The following NCOA1 variants were observed in gnomAD, a reference collection of about 807,000 sequenced individuals.
The protein encoded by NCOA1 is nuclear receptor coactivator 1.
Under a neutral mutation model 150.9 loss-of-function variants are expected in NCOA1, and 35 were observed. The observed-to-expected ratio is 0.23, with a 90% CI of 0.18 to 0.31. NCOA1 has a LOEUF of 0.31. NCOA1 is among the 10% of genes least tolerant of loss of function. NCOA1 has a pLI of 1.00. For missense variants in NCOA1, 1,491 were observed against 1,749.3 expected (o/e 0.85, Z 2.63); for synonymous variants, 590 against 630.0 (o/e 0.94, Z 0.95).
At chr2:24,554,963 G>T (rs530952270) in intron 1 of NCOA1, among the ~76,000 whole-genome samples, 5 of 152,210 alleles carry the variant, frequency 3.3e-5, no homozygotes, top group South Asian at 2.1e-4. Context: ...CGTCTACGTT[G>T]TCTGGGGTAA....
intron 7 of NCOA1, among the ~76,000 whole-genome samples, chr2:24,675,408 G>A (rs1478870802): frequency 6.6e-6 from 1 of 152,192 alleles, no homozygotes; most frequent in East Asian, 1.9e-4. Context: ...GTGCCCTGCT[G>A]CTAGAATGAG....
chr2:24,666,328 T>TA (rs1327057358), intron 6 of NCOA1, among the ~76,000 whole-genome samples: 1 of 152,126 alleles, frequency 6.6e-6, no homozygotes, highest in African/African-American at 2.4e-5. Context: ...TTTTTATTAT[T>TA]AAAAAATTAT....
intron 6 of NCOA1, among the ~76,000 whole-genome samples, chr2:24,667,019 G>A (rs1572564734): frequency 6.6e-6 from 1 of 152,094 alleles, no homozygotes; most frequent in South Asian, 2.1e-4. Context: ...ATTTTACACT[G>A]CAAAGTTATT....
intron 5 of NCOA1, among the ~76,000 whole-genome samples, chr2:24,659,825 G>A (rs1371804356): frequency 1.3e-5 from 2 of 152,096 alleles, no homozygotes; most frequent in Non-Finnish European, 2.9e-5. Context: ...AATGTCAGTA[G>A]CATCTTAGTT....
chr2:24,753,476 A>G (rs1334672863), intron 20 of NCOA1, among the ~76,000 whole-genome samples: 1 of 151,688 alleles, frequency 6.6e-6, no homozygotes, highest in Admixed American at 6.6e-5. Flanking sequence ...CCCTACTCCT[A>G]CTCCTTGTTG....
chr2:24,716,750 CA>C (rs1269771157), intron 14 of NCOA1, among the ~76,000 whole-genome samples: 4 of 152,158 alleles, frequency 2.6e-5, no homozygotes, highest in African/African-American at 9.7e-5. Flanking sequence ...GAAAATGAAT[CA>C]ATAATCAATA....
chr2:24,599,389 A>G (rs193230801), intron 3 of NCOA1, among the ~76,000 whole-genome samples: 3 of 152,318 alleles, frequency 2.0e-5, no homozygotes, highest in Admixed American at 1.3e-4. Flanking sequence ...ATATTTGAAG[A>G]TATCAGATAT....
At chr2:24,608,704 G>GTTTTTTTTTTTTTTTTTTTTTTT (rs56710627) in intron 3 of NCOA1, among the ~76,000 whole-genome samples, 5 of 117,330 alleles carry the variant, frequency 4.3e-5, no homozygotes, top group African/African-American at 9.9e-5. Context: ...TTGTTGTTGT[G>GTTTTTTTTTTTTTTTTTTTTTTT]TTTTTTTTTT....
intron 3 of NCOA1, among the ~76,000 whole-genome samples, chr2:24,615,477 C>T (rs6729469): frequency 6.6e-6 from 1 of 152,114 alleles, no homozygotes; most frequent in African/African-American, 2.4e-5. Flanking sequence ...CTTAAGGAAT[C>T]CTCTAAGAAG....
chr2:24,583,207 A>G (rs1191975474), intron 2 of NCOA1, among the ~76,000 whole-genome samples: 1 of 152,166 alleles, frequency 6.6e-6, no homozygotes, highest in African/African-American at 2.4e-5. Context: ...GAAACTCAAC[A>G]GCAAAAAGCC....
intron 2 of NCOA1, among the ~76,000 whole-genome samples, chr2:24,572,381 G>A (rs1666775384): frequency 6.6e-6 from 1 of 152,176 alleles, no homozygotes; most frequent in Non-Finnish European, 1.5e-5. Context: ...TGGGGGTGAA[G>A]TGGGAACAAT....
chr2:24,655,735 G>T (rs1670909933), intron 4 of NCOA1, among the ~76,000 whole-genome samples: 1 of 152,164 alleles, frequency 6.6e-6, no homozygotes, highest in Admixed American at 6.5e-5. Context: ...AGTTAAATGA[G>T]AACCTGAATT....
intron 22 of NCOA1, among the ~76,000 whole-genome samples, chr2:24,763,841 C>G (rs1003798504): frequency 6.6e-6 from 1 of 151,782 alleles, no homozygotes; most frequent in African/African-American, 2.4e-5. Context: ...AGGCCGGTCT[C>G]GAACTCCTGA....
At position 24,719,419 on chromosome 2, in the gene NCOA1, C is replaced by G. The variant is rs372711240; in HGVS notation, c.2600-7170C>G. ...GTTGAACTGTACAAAATTTGTTGAACTTAAAATGGGTGCATTTTATTGTAT... is the reference window on the plus strand; with the variant it reads ...GTTGAACTGTACAAAATTTGTTGAAGTTAAAATGGGTGCATTTTATTGTAT... On this transcript the variant is annotated intron_variant, in intron 14 of 22. Coordinates refer to ENST00000348332, the MANE Select transcript of NCOA1 (RefSeq NM_003743.5). Among the ~76,000 whole-genome samples, 9 of 151,832 alleles carry G rather than the reference C, an allele frequency of 5.9e-5. No individual in the cohort carries two copies. The East Asian group carries it at 1.7e-3, about 29-fold the overall frequency.
At chr2:24,752,551 A>G (rs1302590687) in intron 20 of NCOA1, among the ~76,000 whole-genome samples, 1 of 152,218 alleles carries the variant, frequency 6.6e-6, no homozygotes, top group East Asian at 1.9e-4. Context: ...TAGGTCCCCA[A>G]CCTTTCCATC....
intron 1 of NCOA1, among the ~76,000 whole-genome samples, chr2:24,521,390 C>T (rs1315236759): frequency 1.3e-5 from 2 of 152,150 alleles, no homozygotes; most frequent in Non-Finnish European, 2.9e-5. Flanking sequence ...CCCATTCCCA[C>T]CCCTTCCTGT....
chr2:24,592,484 T>C (rs1572461213), intron 3 of NCOA1, among the ~76,000 whole-genome samples: 1 of 152,192 alleles, frequency 6.6e-6, no homozygotes, highest in Non-Finnish European at 1.5e-5. Context: ...TCTTGAAGCC[T>C]TTGCCCAGCC....
At chr2:24,718,760 T>C (rs2148619786) in intron 14 of NCOA1, among the ~76,000 whole-genome samples, 1 of 148,048 alleles carries the variant, frequency 6.8e-6, no homozygotes, top group Middle Eastern at 3.6e-3. Flanking sequence ...GGGCGGCTAC[T>C]CAGGAGGCTG....
At chr2:24,601,316 G>A (rs997531248) in intron 3 of NCOA1, among the ~76,000 whole-genome samples, 1 of 151,492 alleles carries the variant, frequency 6.6e-6, no homozygotes, top group Non-Finnish European at 1.5e-5. Context: ...GGGCTCAAGC[G>A]ATCTTCCCAC....
Sources: gnomAD v4.1 joint callset for allele counts (sites outside exome capture counted in the v4.1 genomes callset) on GRCh38, gnomAD v4.1.1 for gene constraint, MANE v1.5 for transcripts, NCBI Gene and HGNC (gene_info 2026-07-23, HGNC 2026-07-21) for gene names.